WDR59: variants seen among roughly 807,000 people sequenced by gnomAD.
WDR59 encodes the protein WD repeat domain 59.
Under a neutral mutation model 131.2 loss-of-function variants are expected in WDR59, and 100 were observed. The observed-to-expected ratio is 0.76, with a 90% CI of 0.65 to 0.90. The LOEUF (loss-of-function observed/expected upper bound fraction) is 0.90, where lower values mean the gene tolerates loss of function less well. WDR59 is among the 40% of genes least tolerant of loss of function. WDR59 has a pLI of 0.00. For synonymous variants in WDR59, 601 were observed against 466.2 expected (o/e 1.29, Z -3.72); for missense variants, 1,203 against 1,262.2 (o/e 0.95, Z 0.71).
chr16:74,891,133 AT>A (rs921962846), intron 20 of WDR59, among the ~76,000 whole-genome samples: 7 of 151,610 alleles, frequency 4.6e-5, no homozygotes, highest in East Asian at 1.9e-4. Flanking sequence ...AAAAAAAAAA[AT>A]CAAATACTAT....
chr16:74,959,641 G>T (rs1052557692), intron 2 of WDR59: 1 of 416,324 alleles, frequency 2.4e-6, no homozygotes, highest in South Asian at 1.8e-5. Flanking sequence ...AATTAGCCAG[G>T]TGTGGTGACA....
At chr16:74,974,816 T>C (rs1398797381) in intron 1 of WDR59, among the ~76,000 whole-genome samples, 1 of 152,162 alleles carries the variant, frequency 6.6e-6, no homozygotes, top group East Asian at 1.9e-4. Context: ...TCACACATTG[T>C]TCCAGTTACA....
chr16:74,956,921 G>A (rs1296543172), intron 2 of WDR59, among the ~76,000 whole-genome samples: 1 of 152,024 alleles, frequency 6.6e-6, no homozygotes, highest in East Asian at 1.9e-4. Flanking sequence ...CCCCCAGCTA[G>A]GGTTAATTAC....
intron 1 of WDR59, among the ~76,000 whole-genome samples, chr16:74,971,426 CTTTTT>C (rs58120924): frequency 0.037 from 3,351 of 89,940 alleles, 32 homozygotes; most frequent in East Asian, 0.14. Context: ...TCTTTCCTTC[CTTTTT>C]TTTTTTTTTT....
intron 3 of WDR59, among the ~76,000 whole-genome samples, chr16:74,953,701 C>T (rs1049357186): frequency 2.0e-4 from 31 of 152,030 alleles, no homozygotes; most frequent in Non-Finnish European, 3.5e-4. Flanking sequence ...CAACCCAATT[C>T]GAAAAAGGGC....
Position 74,874,351 on chromosome 16 carries a change from T to A in WDR59, c.2783A>T (p.His928Leu). ...ATTGGACGATCCCCGCACAGCCACG[T>A]GACAGATGGCACACTGGAACGTGAA... is the stretch of plus-strand genomic sequence containing the variant. Reference protein sequence around the residue: ...KGFTFQCAICHVAVRGSSNFC... With the variant: ...KGFTFQCAICLVAVRGSSNFC... Residue 928 changes from histidine to leucine, a missense_variant, in exon 26 of 26, where the codon CAC becomes CTC. Physicochemically the swap from His to Leu is moderately conservative, Grantham distance 99. Transcript: ENST00000262144. 6.2e-7 allele frequency: 1 copy of A among 1,614,132 alleles called. No individual in the cohort carries two copies. The highest frequency in any genetic ancestry group is 8.5e-7 in the Non-Finnish European group (1 of 1,180,024).
At chr16:74,920,513 G>A (rs1393254978) in intron 10 of WDR59, among the ~76,000 whole-genome samples, 1 of 152,142 alleles carries the variant, frequency 6.6e-6, no homozygotes. Flanking sequence ...AGATTCTCCT[G>A]CCTCAGCCTC....
intron 8 of WDR59, among the ~76,000 whole-genome samples, chr16:74,924,291 C>CA (rs2145014034): frequency 6.6e-6 from 1 of 152,340 alleles, no homozygotes; most frequent in South Asian, 2.1e-4. Context: ...GCTGAAAATT[C>CA]AGAGTGACGT....
At chr16:74,914,162 C>T (rs1407474753) in intron 13 of WDR59, among the ~76,000 whole-genome samples, 1 of 151,972 alleles carries the variant, frequency 6.6e-6, no homozygotes, top group East Asian at 1.9e-4. Context: ...CAGTGAGTCA[C>T]GGTAGCACCA....
At chr16:74,899,757 G>C (rs1965460215) in intron 18 of WDR59, 1 of 1,289,020 alleles carries the variant, frequency 7.8e-7, no homozygotes, top group African/African-American at 1.5e-5. Flanking sequence ...GGAGACATCT[G>C]TGCATGAAAA....
At chr16:74,913,039 C>A (rs895312378) in intron 13 of WDR59, among the ~76,000 whole-genome samples, 3 of 146,406 alleles carry the variant, frequency 2.0e-5, no homozygotes, top group African/African-American at 5.1e-5. Flanking sequence ...GACTTTATGG[C>A]CAGTTTTGGG....
At chr16:74,890,731 G>A (rs1241076875) in intron 20 of WDR59, among the ~76,000 whole-genome samples, 1 of 152,174 alleles carries the variant, frequency 6.6e-6, no homozygotes, top group Non-Finnish European at 1.5e-5. Flanking sequence ...CCATTGAGCA[G>A]AAACCAATAG....
At chr16:74,982,473 A>G (rs1046136311) in intron 1 of WDR59, among the ~76,000 whole-genome samples, 1 of 152,232 alleles carries the variant, frequency 6.6e-6, no homozygotes, top group Non-Finnish European at 1.5e-5. Context: ...GCATCCTAAT[A>G]TATGTGTCAG....
intron 7 of WDR59, among the ~76,000 whole-genome samples, chr16:74,940,549 C>T (rs765823712): frequency 1.3e-5 from 2 of 152,080 alleles, no homozygotes; most frequent in Non-Finnish European, 2.9e-5. Flanking sequence ...GGATTAAAAT[C>T]CACTGTTAGC....
chr16:74,972,821 T>TAAAAA (rs57885889), intron 1 of WDR59, among the ~76,000 whole-genome samples: 33 of 55,062 alleles, frequency 6.0e-4, no homozygotes, highest in Non-Finnish European at 8.9e-4. Flanking sequence ...GACTCTGTCT[T>TAAAAA]AAAAAAAAAA....
At chr16:74,905,822 G>T (rs2904226) in intron 17 of WDR59, among the ~76,000 whole-genome samples, 108,954 of 152,022 alleles carry the variant, frequency 0.72, 39,277 homozygotes, top group East Asian at 0.84. Flanking sequence ...AGCCACAGAT[G>T]AAGAGAAAAT....
chr16:74,889,601 C>G, intron 21 of WDR59, 102 bp downstream of exon 21: 1 of 850,972 alleles, frequency 1.2e-6, no homozygotes, highest in African/African-American at 1.7e-5. Context: ...CCTTTCATTC[C>G]TCGGGCCTCT....
chr16:74,967,683 A>C (rs112893388), intron 1 of WDR59, among the ~76,000 whole-genome samples: 138 of 152,142 alleles, frequency 9.1e-4, no homozygotes, highest in African/African-American at 3.1e-3. Context: ...ACATGGTGAA[A>C]CCTCATCTCT....
At chr16:74,981,399 C>T (rs1267998557) in intron 1 of WDR59, among the ~76,000 whole-genome samples, 1 of 146,686 alleles carries the variant, frequency 6.8e-6, no homozygotes, top group Admixed American at 6.9e-5. Flanking sequence ...AAAAAACACA[C>T]ACACACAAAA....
Sources: gnomAD v4.1 joint callset for allele counts (sites outside exome capture counted in the v4.1 genomes callset) on GRCh38, gnomAD v4.1.1 for gene constraint, MANE v1.5 for transcripts, NCBI Gene and HGNC (gene_info 2026-07-23, HGNC 2026-07-21) for gene names.